PDE1A: variants seen among roughly 807,000 people sequenced by gnomAD.
PDE1A encodes the protein phosphodiesterase 1A, also known as dual specificity calcium/calmodulin-dependent 3',5'-cyclic nucleotide phosphodiesterase 1A.
In PDE1A, 35 loss-of-function variants were observed where a neutral mutation model predicts 61.7. The ratio of observed to expected loss-of-function variants is 0.57; its 90% CI spans 0.43 to 0.75. PDE1A has a LOEUF of 0.75. Among genes scored for constraint, PDE1A ranks in the 30% least tolerant of loss-of-function variants. The pLI is 0.00. For missense variants in PDE1A, 597 were observed against 630.6 expected (o/e 0.95, Z 0.57); for synonymous variants, 232 against 213.2 (o/e 1.09, Z -0.77).
downstream of PDE1A, among the ~76,000 whole-genome samples, chr2:182,166,625 T>C (rs535346428): frequency 2.0e-5 from 3 of 152,274 alleles, no homozygotes; most frequent in South Asian, 6.2e-4. Flanking sequence ...AGATGGCCCA[T>C]CATGGGACTT....
At chr2:182,342,647 C>A (rs1389501752) in intron 1 of PDE1A, among the ~76,000 whole-genome samples, 1 of 152,216 alleles carries the variant, frequency 6.6e-6, no homozygotes, top group Non-Finnish European at 1.5e-5. Context: ...CGCGCCACTG[C>A]ACTCCAGCCT....
intron 7 of PDE1A, among the ~76,000 whole-genome samples, chr2:182,221,590 C>T (rs1361558125): frequency 6.6e-6 from 1 of 151,980 alleles, no homozygotes; most frequent in Admixed American, 6.6e-5. Context: ...TCTCTGGGAC[C>T]CTGGGGTTTC....
chr2:182,249,003 T>C (rs181350863), intron 2 of PDE1A, among the ~76,000 whole-genome samples: 3 of 152,374 alleles, frequency 2.0e-5, no homozygotes, highest in Non-Finnish European at 4.4e-5. Flanking sequence ...CTATATGTTC[T>C]ATCCTTCTAC....
the PDE1A span, among the ~76,000 whole-genome samples, chr2:182,547,232 G>A: frequency 3.9e-5 from 6 of 152,068 alleles, no homozygotes; most frequent in South Asian, 2.1e-4. Flanking sequence ...TTTCCATCTC[G>A]TTGTTGGGTT....
intron 1 of PDE1A, among the ~76,000 whole-genome samples, chr2:182,267,962 CA>C (rs1692752708): frequency 6.6e-6 from 1 of 152,004 alleles, no homozygotes; most frequent in Non-Finnish European, 1.5e-5. Context: ...GACAAATTCT[CA>C]GAGCTGAAAA....
chr2:182,194,364 T>C (rs902276891), intron 10 of PDE1A, among the ~76,000 whole-genome samples: 5 of 152,164 alleles, frequency 3.3e-5, no homozygotes, highest in Non-Finnish European at 7.4e-5. Flanking sequence ...CTTTTACCAA[T>C]GATTACTTTT....
intron 2 of PDE1A, among the ~76,000 whole-genome samples, chr2:182,452,073 T>G (rs1405497022): frequency 2.0e-5 from 3 of 152,024 alleles, no homozygotes; most frequent in Non-Finnish European, 4.4e-5. Context: ...CAGAAATATA[T>G]AATATGTCCA....
In PDE1A at chr2:182,495,031, C is replaced by A. The variant is rs190885232; in HGVS notation, c.101+27245G>T. Among the ~76,000 whole-genome samples, 125 of 152,292 alleles carry A rather than the reference C, an allele frequency of 8.2e-4. 1 individual carries two copies. The highest frequency in any genetic ancestry group is 1.6e-3 in the Non-Finnish European group (109 of 68,032). On this transcript the variant is annotated intron_variant, in intron 2 of 14. Transcript: ENST00000410103. ...TCATCCCTAGCTTCAGTGGTCCACTCTGTCGGGGGTGCTCGGCACTTCCAG... is the reference window on the plus strand; with the variant it reads ...TCATCCCTAGCTTCAGTGGTCCACTATGTCGGGGGTGCTCGGCACTTCCAG...
At chr2:182,483,689 T>C (rs1016555847) in intron 2 of PDE1A, among the ~76,000 whole-genome samples, 3 of 151,602 alleles carry the variant, frequency 2.0e-5, no homozygotes, top group African/African-American at 7.3e-5. Flanking sequence ...ACTAAAAAAA[T>C]TTTTCAAATA....
intron 1 of PDE1A, among the ~76,000 whole-genome samples, chr2:182,346,030 A>G (rs999366599): frequency 1.3e-5 from 2 of 152,222 alleles, no homozygotes; most frequent in Admixed American, 6.5e-5. Context: ...GACAGCATAA[A>G]TGTTCCTTAA....
At chr2:182,587,590 A>G in the PDE1A span, among the ~76,000 whole-genome samples, 2 of 152,254 alleles carry the variant, frequency 1.3e-5, no homozygotes, top group South Asian at 2.1e-4. Context: ...ACTAAGAATT[A>G]GTTCTTTCAG....
At chr2:182,176,305 T>G (rs1434700966) in intron 13 of PDE1A, among the ~76,000 whole-genome samples, 2 of 149,548 alleles carry the variant, frequency 1.3e-5, no homozygotes, top group Non-Finnish European at 2.9e-5. Flanking sequence ...TATTGATTTT[T>G]CCTACCCATG....
the PDE1A span, among the ~76,000 whole-genome samples, chr2:182,658,497 A>G: frequency 6.6e-6 from 1 of 152,208 alleles, no homozygotes; most frequent in African/African-American, 2.4e-5. Flanking sequence ...GGTCACATTC[A>G]CAAGTTCCAG....
intron 13 of PDE1A, among the ~76,000 whole-genome samples, chr2:182,157,615 T>C: frequency 6.6e-6 from 1 of 152,186 alleles, no homozygotes; most frequent in Non-Finnish European, 1.5e-5. Flanking sequence ...CTCTTCGTTT[T>C]TTTCGTGGAG....
At chr2:182,168,183 A>G (rs994291434) in exon 14 of PDE1A, 28 of 1,550,304 alleles carry the variant, frequency 1.8e-5, no homozygotes, top group Non-Finnish European at 2.1e-5. Context: ...AGCATAATCA[A>G]AATCTCCAAG....
intron 2 of PDE1A, among the ~76,000 whole-genome samples, chr2:182,489,684 G>A (rs1688256830): frequency 6.6e-6 from 1 of 152,180 alleles, no homozygotes; most frequent in Admixed American, 6.5e-5. Context: ...ATGACAGAAT[G>A]GAGTTGTCAT....
intron 2 of PDE1A, among the ~76,000 whole-genome samples, chr2:182,247,977 G>T (rs972415007): frequency 1.3e-5 from 2 of 152,062 alleles, no homozygotes; most frequent in Non-Finnish European, 2.9e-5. Context: ...TAAAAATGAA[G>T]ACTTTGTTTT....
At chr2:182,315,884 A>G (rs1390191439) in intron 1 of PDE1A, among the ~76,000 whole-genome samples, 1 of 152,224 alleles carries the variant, frequency 6.6e-6, no homozygotes, top group East Asian at 1.9e-4. Context: ...AAGAGCACCA[A>G]GAAAGAGCAT....
At chr2:182,578,661 T>C in the PDE1A span, among the ~76,000 whole-genome samples, 1 of 152,166 alleles carries the variant, frequency 6.6e-6, no homozygotes, top group South Asian at 2.1e-4. Context: ...TACTGCTATT[T>C]AAAAAATAAG....
Sources: allele counts gnomAD v4.1 joint callset (sites outside exome capture counted in the v4.1 genomes callset), GRCh38; gene constraint gnomAD v4.1.1; transcripts MANE v1.5; gene names NCBI Gene and HGNC (gene_info 2026-07-23, HGNC 2026-07-21).